The following EI24 variants were observed in gnomAD, a reference collection of about 807,000 sequenced individuals.
EI24 encodes EI24 autophagy associated transmembrane protein.
In EI24, 21 loss-of-function variants were observed where a neutral mutation model predicts 48.6. The observed-to-expected ratio is 0.43, with a 90% CI of 0.31 to 0.62. EI24 has a LOEUF of 0.62. Among genes scored for constraint, EI24 ranks in the 20% least tolerant of loss-of-function variants. The pLI, the probability that EI24 is intolerant of heterozygous loss-of-function variation, is 0.10. For synonymous variants in EI24, 114 were observed against 145.5 expected, an observed-to-expected ratio of 0.78 and a Z score of 1.56; for missense variants, 280 against 410.5, an observed-to-expected ratio of 0.68 and a Z score of 2.75.
intron 3 of EI24, chr11:125,575,781 C>A (rs1175122642): frequency 4.2e-6 from 1 of 236,802 alleles, no homozygotes; most frequent in Non-Finnish European, 7.9e-6. Flanking sequence ...CATATATATA[C>A]ACATTTTTTT....
At position 125,583,601 on chromosome 11, in the gene EI24, C is replaced by T. The variant is rs746913266; in HGVS notation, c.941C>T (p.Ala314Val). The change falls in exon 11 of 11, where the codon GCC (alanine) becomes GTC (valine). Residue 314 changes from alanine (A) to valine (V), a missense_variant. Ala to Val is a moderately conservative substitution (Grantham distance 64). This residue lies in a region of EI24 where 62 missense variants were observed against 65.1 expected (regional missense o/e 0.95). Coordinates refer to ENST00000278903, the MANE Select transcript of EI24 (RefSeq NM_004879.5). ...CACAAGACAGTCTACCTGCAGTCGGCCCTGAGCAGCTCTACTTCTGCAGAG... is the reference window on the plus strand; with the variant it reads ...CACAAGACAGTCTACCTGCAGTCGGTCCTGAGCAGCTCTACTTCTGCAGAG... ...LFHKTVYLQS[A>V]LSSSTSAEKF... is the part of the protein sequence containing the mutation. 2 of 1,613,100 alleles carry T rather than the reference C, an allele frequency of 1.2e-6. No individual in the cohort carries two copies. The highest frequency in any genetic ancestry group is 8.5e-7 in the Non-Finnish European group (1 of 1,179,772).
At chr11:125,574,251 T>TA (rs745907288) in intron 2 of EI24, among the ~76,000 whole-genome samples, 153 of 142,582 alleles carry the variant, frequency 1.1e-3, no homozygotes, top group South Asian at 2.2e-3. Flanking sequence ...AGACTCTGTT[T>TA]AAAAAAAAAA....
intron 5 of EI24, chr11:125,577,874 C>T: frequency 1.7e-6 from 1 of 581,084 alleles, no homozygotes; most frequent in Non-Finnish European, 3.0e-6. Context: ...TACTGGTAAT[C>T]ACTGTGGCAT....
chr11:125,584,239 A>T lies in EI24; in HGVS notation c.*556A>T, dbSNP rs888704164. The T allele has an allele frequency of 2.7e-5, 3 of 110,530 alleles. No individual in the cohort carries two copies. Among genetic ancestry groups the T allele is most frequent in the African/African-American group, 8.6e-5 (3 of 34,946 alleles). The allele number at this position is 110,530 out of a possible 1,614,324, so 6.8% of individuals were successfully genotyped here. On this transcript the variant is annotated 3_prime_UTR_variant, in exon 11 of 11. Transcript: ENST00000278903. ...TCTCTTGCTCCACTGCAAAAAAAAA[A>T]AAAAAAAAAAAAAAAAAAAAAAAGC...
chr11:125,583,445 T>G, intron 10 of EI24, 76 bp from the exon 11 acceptor site: 1 of 1,231,446 alleles, frequency 8.1e-7, no homozygotes, highest in Non-Finnish European at 1.1e-6. Flanking sequence ...GTTTTAAATT[T>G]AATGTCAAGT....
rs545573018 is a variant in EI24, at chr11:125,579,005, T to C, written c.498T>C (p.Ser166=). 38 of 1,589,926 alleles carry C rather than the reference T, an allele frequency of 2.4e-5. No homozygotes were observed. The East Asian group carries it at 5.4e-4, about 23-fold the overall frequency. ...GGAGGAAGCCTCACCCATTCCCTAG[T>C]GTCAGCAAAATAATTGCTGACATGC... is the stretch of plus-strand genomic sequence containing the variant. ...VSGRKPHPFP[S]VSKIIADMLF... is the part of the protein sequence containing the mutation. The change falls in exon 7 of 11, where the codon AGT becomes AGC. Residue 166 remains serine, a synonymous_variant. Coordinates refer to ENST00000278903, the MANE Select transcript of EI24 (RefSeq NM_004879.5).
At chr11:125,574,543 ATTAT>A (rs1938657740) in intron 2 of EI24, among the ~76,000 whole-genome samples, 1 of 152,220 alleles carries the variant, frequency 6.6e-6, no homozygotes, top group Non-Finnish European at 1.5e-5. Flanking sequence ...TATTCCAGCT[ATTAT>A]TTCTAAAATT....
intron 4 of EI24, among the ~76,000 whole-genome samples, chr11:125,576,599 C>T (rs1006689251): frequency 6.6e-6 from 1 of 152,176 alleles, no homozygotes; most frequent in African/African-American, 2.4e-5. Flanking sequence ...TTGACACTGT[C>T]TAGACATTTT....
rs765659145 is a variant in EI24, at chr11:125,581,308, C to G, written c.771C>G (p.Ser257=). The change falls in exon 9 of 11, where the codon TCC becomes TCG. Residue 257 remains serine (S), a synonymous_variant. Coordinates refer to ENST00000278903, the MANE Select transcript of EI24 (RefSeq NM_004879.5). Reference sequence around the variant, plus strand: ...TGGCTTTTCTCACAGCAATGCAGTCCTCATATATTATCAGGTAATTTGGCT... The same window carrying G: ...TGGCTTTTCTCACAGCAATGCAGTCGTCATATATTATCAGGTAATTTGGCT... ...LPLAFLTAMQ[S]SYIISGCLFS... is the part of the protein sequence containing the mutation. The G allele has an allele frequency of 6.2e-7, 1 of 1,604,154 alleles. No individual in the cohort carries two copies. Among genetic ancestry groups the G allele is most frequent in the South Asian group, 1.1e-5 (1 of 90,360 alleles).
intron 8 of EI24, among the ~76,000 whole-genome samples, chr11:125,580,507 C>G (rs1182820392): frequency 6.6e-6 from 1 of 152,136 alleles, no homozygotes; most frequent in African/African-American, 2.4e-5. Context: ...TTGATGTCAG[C>G]ATCTGGATCC....
rs965738314 is a variant in EI24, at chr11:125,584,247, A to T, written c.*564A>T. On this transcript the variant is annotated 3_prime_UTR_variant, in exon 11 of 11. Coordinates refer to ENST00000278903, the MANE Select transcript of EI24 (RefSeq NM_004879.5). ...TCCACTGCAAAAAAAAAAAAAAAAA[A>T]AAAAAAAAAAAAAAAGCCTGAAGAG... 1.3e-5 allele frequency: 2 copies of T among 149,280 alleles called. No homozygotes were observed. The highest frequency in any genetic ancestry group is 3.0e-5 in the Non-Finnish European group (2 of 67,560). The allele number at this position is 149,280 out of a possible 1,614,324, so 9.2% of individuals were successfully genotyped here.
intron 3 of EI24, chr11:125,575,701 A>G (rs756020944): frequency 1.6e-5 from 4 of 242,700 alleles, no homozygotes; most frequent in Non-Finnish European, 3.4e-5. Flanking sequence ...CCCTGGCCCC[A>G]CACTTTCTCT....
rs374809359 is a variant in EI24, at chr11:125,576,378, A to G, written c.249+63A>G. The G allele has an allele frequency of 1.3e-5, 19 of 1,460,910 alleles. No individual in the cohort carries two copies. In the African/African-American group the frequency reaches 1.4e-4, roughly 11 times the overall value. The allele number at this position is 1,460,910 out of a possible 1,614,324, so 90.5% of individuals were successfully genotyped here. On this transcript the variant is annotated intron_variant, in intron 4 of 10. Transcript: ENST00000278903. ...TCAGATTGTTGCTGGGTTGATAGCT[A>G]TGAACTGTTTTCTTGAAACACTGAG...
chr11:125,576,910 C>A (rs995030301), intron 4 of EI24, among the ~76,000 whole-genome samples: 1 of 152,058 alleles, frequency 6.6e-6, no homozygotes, highest in African/African-American at 2.4e-5. Flanking sequence ...ATATGTATTC[C>A]TGTGTACTTA....
chr11:125,578,197 T>C lies in EI24; in HGVS notation c.381T>C (p.Ser127=), dbSNP rs1395991873. 2 of 1,614,036 alleles carry C rather than the reference T, an allele frequency of 1.2e-6. No homozygotes were observed. The highest frequency in any genetic ancestry group is 2.2e-5 in the South Asian group (2 of 91,086). Residue 127 remains serine, a synonymous_variant, in exon 6 of 11, where the codon AGT becomes AGC. Coordinates refer to ENST00000278903, the MANE Select transcript of EI24 (RefSeq NM_004879.5). ...WLEFFLTSIF[S]ALWVLPLFVL... is the part of the protein sequence containing the mutation. ...AATTCTTCCTCACGTCAATTTTCAGTGCTCTTTGGGTGCTCCCCTTGTTTG... is the reference window on the plus strand; with the variant it reads ...AATTCTTCCTCACGTCAATTTTCAGCGCTCTTTGGGTGCTCCCCTTGTTTG...
rs1312938531 is a variant in EI24 at position 125,575,421 on chromosome 11, T to C, written c.188+13T>C. ...GGAAGCAAGAGAGGTAAGGAGTGCA[T>C]GCCTGATATCAAAATGTCCAAGGGA... On this transcript the variant is annotated intron_variant, in intron 3 of 10. Coordinates refer to ENST00000278903, the MANE Select transcript of EI24 (RefSeq NM_004879.5). 2 of 1,562,764 alleles carry C rather than the reference T, an allele frequency of 1.3e-6. No homozygotes were observed. Among genetic ancestry groups the C allele is most frequent in the Non-Finnish European group, 1.7e-6 (2 of 1,147,192 alleles).
chr11:125,573,957 C>T (rs1443470494), intron 2 of EI24, among the ~76,000 whole-genome samples: 1 of 152,062 alleles, frequency 6.6e-6, no homozygotes, highest in Non-Finnish European at 1.5e-5. Flanking sequence ...GCTAGGATTA[C>T]AGGCATGAGC....
intron 4 of EI24, among the ~76,000 whole-genome samples, chr11:125,577,018 C>T (rs1288949722): frequency 6.6e-6 from 1 of 152,142 alleles, no homozygotes; most frequent in Non-Finnish European, 1.5e-5. Context: ...TTGTATCTCT[C>T]AATTGGAGTG....
intron 9 of EI24, among the ~76,000 whole-genome samples, chr11:125,582,065 GCA>G (rs1369682965): frequency 6.6e-6 from 1 of 151,918 alleles, no homozygotes; most frequent in Non-Finnish European, 1.5e-5. Flanking sequence ...AGGCGTGGTG[GCA>G]CACACCTGTA....
Sources: gnomAD v4.1 joint callset for allele counts (sites outside exome capture counted in the v4.1 genomes callset) on GRCh38, gnomAD v4.1.1 for gene constraint, gnomAD v4.1.1 regional missense constraint, MANE v1.5 for transcripts, NCBI Gene and HGNC (gene_info 2026-07-23, HGNC 2026-07-21) for gene names.